The following NFIA variants were observed in gnomAD, a reference collection of about 807,000 sequenced individuals.
The protein encoded by NFIA is nuclear factor I A.
Under a neutral mutation model 62.8 loss-of-function variants are expected in NFIA, and 8 were observed. The observed-to-expected ratio is 0.13, with a 90% CI of 0.07 to 0.23. The LOEUF is 0.23. Among genes scored for constraint, NFIA ranks in the 10% least tolerant of loss-of-function variants. NFIA has a pLI of 1.00. For missense variants in NFIA, 410 were observed against 642.1 expected, an observed-to-expected ratio of 0.64 and a Z score of 3.91; for synonymous variants, 235 against 238.1, an observed-to-expected ratio of 0.99 and a Z score of 0.12.
At chr1:61,434,855 G>A (rs1349461170) in intron 10 of NFIA, among the ~76,000 whole-genome samples, 1 of 152,084 alleles carries the variant, frequency 6.6e-6, no homozygotes, top group African/African-American at 2.4e-5. Context: ...CATTGTATGG[G>A]AGAGGAAGGG....
chr1:61,264,682 G>A (rs2782550), intron 2 of NFIA, among the ~76,000 whole-genome samples: 128,901 of 132,000 alleles, frequency 0.98, 62,947 homozygotes, highest in Middle Eastern at 1. Flanking sequence ...AAAAAAAAAG[G>A]ATTTCCCGAA....
At chr1:61,407,857 G>A (rs571540349) in intron 9 of NFIA, among the ~76,000 whole-genome samples, 72 of 152,268 alleles carry the variant, frequency 4.7e-4, no homozygotes, top group African/African-American at 1.6e-3. Context: ...ATAAGCATCG[G>A]GATTGGACAG....
rs768068792 is a variant in NFIA, at chr1:61,088,701, T to G, written c.559+21T>G. 1 of 1,591,222 alleles carries G rather than the reference T, an allele frequency of 6.3e-7. No individual in the cohort carries two copies. Among genetic ancestry groups the G allele is most frequent in the Admixed American group, 1.7e-5 (1 of 57,836 alleles). On this transcript the variant is annotated intron_variant, in intron 2 of 10. Transcript: ENST00000403491. The surrounding 1 kb of genome is among the most constrained non-coding windows in gnomAD (Gnocchi z 4.5). ...AGCAGGTAAGTGCGATGGTGAGAATTCCTCCCACTTTCTTGTGTGTGTTTC... is the reference window on the plus strand; with the variant it reads ...AGCAGGTAAGTGCGATGGTGAGAATGCCTCCCACTTTCTTGTGTGTGTTTC...
intron 2 of NFIA, among the ~76,000 whole-genome samples, chr1:61,115,474 T>A (rs139271586): frequency 2.2e-4 from 34 of 152,326 alleles, no homozygotes; most frequent in African/African-American, 7.7e-4. Context: ...AGAACAGGGT[T>A]GATTCTGAGC....
chr1:61,252,821 A>AT (rs1656131146), intron 2 of NFIA, among the ~76,000 whole-genome samples: 1 of 152,148 alleles, frequency 6.6e-6, no homozygotes, highest in African/African-American at 2.4e-5. Flanking sequence ...TTCTTCATCC[A>AT]TTTTTTCAAA....
intron 7 of NFIA, among the ~76,000 whole-genome samples, chr1:61,393,292 C>T (rs796685276): frequency 6.3e-3 from 156 of 24,818 alleles, no homozygotes; most frequent in East Asian, 0.027. Flanking sequence ...TCTCTCTCTC[C>T]CTCTTTCTCT....
chr1:61,279,932 C>CT (rs1658032289), intron 3 of NFIA, among the ~76,000 whole-genome samples: 1 of 152,170 alleles, frequency 6.6e-6, no homozygotes, highest in Non-Finnish European at 1.5e-5. Flanking sequence ...AGGATTTACA[C>CT]TATCATTTTG....
intron 9 of NFIA, among the ~76,000 whole-genome samples, chr1:61,422,028 A>C (rs1414079691): frequency 6.6e-6 from 1 of 152,170 alleles, no homozygotes; most frequent in East Asian, 1.9e-4. Context: ...TTGGGAGGCC[A>C]AAGTGGGAGG....
intron 6 of NFIA, among the ~76,000 whole-genome samples, chr1:61,380,489 T>C (rs1188528298): frequency 2.6e-5 from 4 of 152,198 alleles, no homozygotes; most frequent in Non-Finnish European, 5.9e-5. Context: ...TAAAGTAATG[T>C]ACAGAACCAA....
At chr1:61,278,427 C>T (rs763275633) in intron 3 of NFIA, among the ~76,000 whole-genome samples, 1 of 152,106 alleles carries the variant, frequency 6.6e-6, no homozygotes, top group Non-Finnish European at 1.5e-5. Context: ...TTGCTGATAG[C>T]ACTGAGGACT....
chr1:61,225,230 A>T (rs1347911130), intron 2 of NFIA, among the ~76,000 whole-genome samples: 1 of 151,162 alleles, frequency 6.6e-6, no homozygotes, highest in East Asian at 1.9e-4. Context: ...ATGTAAAGCC[A>T]TTACATGAGT....
At chr1:61,189,337 G>A (rs1651444678) in intron 2 of NFIA, among the ~76,000 whole-genome samples, 1 of 152,130 alleles carries the variant, frequency 6.6e-6, no homozygotes, top group Admixed American at 6.5e-5. Context: ...TCAGGCCCTG[G>A]AGTTACAGGT....
intron 10 of NFIA, among the ~76,000 whole-genome samples, chr1:61,429,181 T>G (rs1314859968): frequency 6.6e-6 from 1 of 152,206 alleles, no homozygotes; most frequent in African/African-American, 2.4e-5. Context: ...AGATCTTTTT[T>G]AAGAAAAAGA....
At chr1:61,229,276 CTA>C (rs1316955680) in intron 2 of NFIA, among the ~76,000 whole-genome samples, 1 of 151,992 alleles carries the variant, frequency 6.6e-6, no homozygotes, top group Non-Finnish European at 1.5e-5. Flanking sequence ...AGATAAATTA[CTA>C]TGTCATTTTT....
intron 3 of NFIA, among the ~76,000 whole-genome samples, chr1:61,312,119 A>G (rs889216441): frequency 2.6e-5 from 4 of 152,168 alleles, no homozygotes; most frequent in Non-Finnish European, 5.9e-5. Context: ...TAACACCTGC[A>G]CTCTATATCA....
chr1:61,311,510 C>T (rs140230074), intron 3 of NFIA, among the ~76,000 whole-genome samples: 94 of 152,274 alleles, frequency 6.2e-4, no homozygotes, highest in African/African-American at 1.9e-3. Context: ...TGTTCTGTCA[C>T]GTGCATTGTC....
chr1:61,450,158 A>G (rs915168520), intron 10 of NFIA, among the ~76,000 whole-genome samples: 2 of 152,200 alleles, frequency 1.3e-5, no homozygotes, highest in African/African-American at 2.4e-5. Context: ...CAGGGCAGGG[A>G]CTATATTTTA....
At position 61,093,847 on chromosome 1, in the gene NFIA, A is replaced by G. The variant is rs1373854926; in HGVS notation, c.559+5167A>G. On this transcript the variant is annotated intron_variant, in intron 2 of 10. Transcript: ENST00000403491. ...TCCTTGTCTTCTTTTCCACCCTGTGATGAATAGCATTAATTTAAACCTATT... is the reference window on the plus strand; with the variant it reads ...TCCTTGTCTTCTTTTCCACCCTGTGGTGAATAGCATTAATTTAAACCTATT... Among the ~76,000 whole-genome samples, 4 of 152,208 alleles carry G rather than the reference A, an allele frequency of 2.6e-5. No homozygotes were observed. The East Asian group carries it at 7.7e-4, about 29-fold the overall frequency.
At chr1:61,435,606 G>A (rs1667291634) in intron 10 of NFIA, among the ~76,000 whole-genome samples, 1 of 152,064 alleles carries the variant, frequency 6.6e-6, no homozygotes, top group Admixed American at 6.6e-5. Context: ...TTCCTCCTGT[G>A]CACCCTGCTA....
Sources: gnomAD v4.1 joint callset for allele counts (sites outside exome capture counted in the v4.1 genomes callset) on GRCh38, gnomAD v4.1.1 for gene constraint, Gnocchi (gnomAD v3.1) non-coding constraint, MANE v1.5 for transcripts, NCBI Gene and HGNC (gene_info 2026-07-23, HGNC 2026-07-21) for gene names.